ZBTB20: variants seen among roughly 807,000 people sequenced by gnomAD.
The protein encoded by ZBTB20 is zinc finger and BTB domain-containing protein 20.
In ZBTB20, 9 loss-of-function variants were observed where a neutral mutation model predicts 56.9. The ratio of observed to expected loss-of-function variants is 0.16; its 90% CI spans 0.10 to 0.28. ZBTB20 has a LOEUF of 0.28. ZBTB20 is among the 10% of genes least tolerant of loss of function. The probability of loss-of-function intolerance (pLI) is 1.00; values close to 1 mark genes in which losing one functional copy is unlikely to be tolerated. For synonymous variants in ZBTB20, 417 were observed against 420.7 expected, an observed-to-expected ratio of 0.99 and a Z score of 0.11; for missense variants, 655 against 1,003.0, an observed-to-expected ratio of 0.65 and a Z score of 4.69.
chr3:115,076,041 T>C (rs2082582849), intron 1 of ZBTB20, among the ~76,000 whole-genome samples: 1 of 151,784 alleles, frequency 6.6e-6, no homozygotes, highest in Non-Finnish European at 1.5e-5. Context: ...CACCAAGAAG[T>C]ATAAAATAGG....
At chr3:115,028,510 T>C (rs2080521836) in intron 2 of ZBTB20, among the ~76,000 whole-genome samples, 1 of 150,724 alleles carries the variant, frequency 6.6e-6, no homozygotes, top group Admixed American at 6.6e-5. Context: ...TTTTACTTTT[T>C]AAAAATGTAG....
At chr3:114,560,411 C>T (rs1180200615) in intron 6 of ZBTB20, among the ~76,000 whole-genome samples, 2 of 152,250 alleles carry the variant, frequency 1.3e-5, no homozygotes, top group Middle Eastern at 3.4e-3. Context: ...TATTACTTCA[C>T]TTAATCCTCC....
At chr3:114,707,435 C>A (rs1235102473) in intron 5 of ZBTB20, among the ~76,000 whole-genome samples, 1 of 152,176 alleles carries the variant, frequency 6.6e-6, no homozygotes, top group Non-Finnish European at 1.5e-5. Context: ...CACAGTACTT[C>A]AAGACAATAG....
intron 1 of ZBTB20, among the ~76,000 whole-genome samples, chr3:115,087,075 G>A (rs2083012989): frequency 1.3e-5 from 2 of 151,788 alleles, no homozygotes; most frequent in African/African-American, 4.8e-5. Flanking sequence ...AACTGGGACA[G>A]TTATAAACTT....
rs2079447651 is a variant in ZBTB20 at position 114,336,205 on chromosome 3, G to C, written c.*2800C>G. On this transcript the variant is annotated 3_prime_UTR_variant, in exon 12 of 12. Coordinates refer to ENST00000675478, the MANE Select transcript of ZBTB20 (RefSeq NM_001348800.3). ...ATGTCATTGTCTCCTAGCTTTAAGA[G>C]TTTTTTTCTTAAGGTCAATCTTCTC... 1 of 152,108 alleles carries C rather than the reference G, an allele frequency of 6.6e-6. No individual in the cohort carries two copies. Among genetic ancestry groups the C allele is most frequent in the South Asian group, 2.1e-4 (1 of 4,832 alleles). The allele number at this position is 152,108 out of a possible 1,614,324, so 9.4% of individuals were successfully genotyped here.
chr3:114,785,090 A>G (rs1253441540), intron 5 of ZBTB20, among the ~76,000 whole-genome samples: 1 of 152,162 alleles, frequency 6.6e-6, no homozygotes, highest in Non-Finnish European at 1.5e-5. Flanking sequence ...GAATAGTCTG[A>G]CCCCAAAAGA....
chr3:115,013,821 T>C (rs562402283), intron 2 of ZBTB20, among the ~76,000 whole-genome samples: 1 of 151,682 alleles, frequency 6.6e-6, no homozygotes, highest in Non-Finnish European at 1.5e-5. Flanking sequence ...TTGGTGGAAA[T>C]GTATATTAGT....
chr3:114,620,421 C>A (rs1180025504), intron 6 of ZBTB20, among the ~76,000 whole-genome samples: 3 of 152,088 alleles, frequency 2.0e-5, no homozygotes, highest in Admixed American at 1.3e-4. Context: ...GCCTCCCGAG[C>A]AGCTAGGATT....
chr3:114,819,541 C>A (rs2077186483), intron 4 of ZBTB20, among the ~76,000 whole-genome samples: 1 of 151,764 alleles, frequency 6.6e-6, no homozygotes, highest in African/African-American at 2.4e-5. Context: ...AATTAGTAGG[C>A]AATCAAGATG....
At chr3:114,421,696 T>C (rs2089188876) in intron 7 of ZBTB20, among the ~76,000 whole-genome samples, 1 of 152,110 alleles carries the variant, frequency 6.6e-6, no homozygotes, top group Non-Finnish European at 1.5e-5. Flanking sequence ...GCCATAAAAA[T>C]GTACTCCTGA....
chr3:114,609,602 G>C lies in ZBTB20; in HGVS notation c.-295+83926C>G, dbSNP rs1369515163. 2.0e-5 allele frequency among the ~76,000 whole-genome samples: 3 copies of C among 152,176 alleles called. No individual in the cohort carries two copies. The South Asian group carries it at 6.2e-4, about 32-fold the overall frequency. ...GATGAAGACCAAAGTCAATGCTGTA[G>C]AGAGTTGTAGGGATATAACTGCTGC... is the stretch of plus-strand genomic sequence containing the variant. On this transcript the variant is annotated intron_variant, in intron 6 of 11. Coordinates refer to ENST00000675478, the MANE Select transcript of ZBTB20 (RefSeq NM_001348800.3).
intron 2 of ZBTB20, among the ~76,000 whole-genome samples, chr3:114,978,424 A>G (rs935324629): frequency 6.6e-6 from 1 of 151,260 alleles, no homozygotes; most frequent in African/African-American, 2.4e-5. Flanking sequence ...AATTAAATAA[A>G]CTAAAATATT....
At chr3:115,106,129 G>T (rs1311613248) in intron 1 of ZBTB20, among the ~76,000 whole-genome samples, 2 of 151,632 alleles carry the variant, frequency 1.3e-5, no homozygotes, top group Non-Finnish European at 2.9e-5. Flanking sequence ...AAAAGTCTGG[G>T]ATTAGTGGGT....
intron 3 of ZBTB20, among the ~76,000 whole-genome samples, chr3:114,931,860 T>G (rs761100012): frequency 6.6e-6 from 1 of 152,198 alleles, no homozygotes; most frequent in Non-Finnish European, 1.5e-5. Flanking sequence ...AAGCACCCAT[T>G]GAAAGTCTTA....
rs1197107544 is a variant in ZBTB20, at chr3:114,354,246, CTTTCA to C, written c.200-2373_200-2369del. 2.6e-4 allele frequency among the ~76,000 whole-genome samples: 39 copies of C among 152,318 alleles called. No individual in the cohort carries two copies. The East Asian group carries it at 7.5e-3, about 29-fold the overall frequency. ...TACAATTTTACTATAACCAAGGTCT[CTTTCA>C]TTTAAGTAAAACAATAAGCAGTAAA... On this transcript the variant is annotated intron_variant, in intron 10 of 11. Coordinates refer to ENST00000675478, the MANE Select transcript of ZBTB20 (RefSeq NM_001348800.3).
chr3:114,695,012 A>G (rs1188558901), intron 5 of ZBTB20, among the ~76,000 whole-genome samples: 1 of 152,084 alleles, frequency 6.6e-6, no homozygotes, highest in Non-Finnish European at 1.5e-5. Flanking sequence ...TGGCCATAGC[A>G]GGTCCCTTAC....
intron 6 of ZBTB20, among the ~76,000 whole-genome samples, chr3:114,506,320 C>T (rs2044607164): frequency 6.6e-6 from 1 of 152,060 alleles, no homozygotes. Context: ...TAAAGTTCAG[C>T]AATTAGGTCT....
intron 4 of ZBTB20, among the ~76,000 whole-genome samples, chr3:114,855,928 C>T (rs754346675): frequency 5.3e-5 from 8 of 152,134 alleles, no homozygotes; most frequent in Non-Finnish European, 1.0e-4. Flanking sequence ...AGTTATGTGG[C>T]GAGAGTAAAT....
intron 7 of ZBTB20, among the ~76,000 whole-genome samples, chr3:114,477,849 TTCTTTTC>T (rs2040996400): frequency 6.6e-6 from 1 of 151,850 alleles, no homozygotes; most frequent in Admixed American, 6.6e-5. Context: ...CTTTTCTTTT[TTCTTTTC>T]TCTCTCTCTT....
Sources: gnomAD v4.1 joint callset for allele counts (sites outside exome capture counted in the v4.1 genomes callset) on GRCh38, gnomAD v4.1.1 for gene constraint, MANE v1.5 for transcripts, NCBI Gene and HGNC (gene_info 2026-07-23, HGNC 2026-07-21) for gene names.